The following IL1RAPL1 variants were observed in gnomAD, a reference collection of about 807,000 sequenced individuals.
IL1RAPL1 encodes interleukin 1 receptor accessory protein like 1, also known as interleukin-1 receptor accessory protein-like 1.
Under a neutral mutation model 48.4 loss-of-function variants are expected in IL1RAPL1, and 3 were observed. The ratio of observed to expected loss-of-function variants is 0.06; its 90% confidence interval spans 0.03 to 0.16. The LOEUF is 0.16. Ranked by LOEUF, IL1RAPL1 falls within the 10% of genes least tolerant of loss-of-function variation. The probability of loss-of-function intolerance (pLI) is 1.00; values close to 1 mark genes in which losing one functional copy is unlikely to be tolerated. For missense variants in IL1RAPL1, 349 were observed against 530.6 expected (o/e 0.66, Z 3.36); for synonymous variants, 185 against 187.7 (o/e 0.99, Z 0.12).
chrX:29,833,335 C>T (rs1008088778), intron 6 of IL1RAPL1, among the ~76,000 whole-genome samples: 1 of 110,510 alleles, frequency 9.0e-6, no homozygotes, highest in African/African-American at 3.3e-5. Flanking sequence ...TAATATAAAT[C>T]GTATTTAGTA....
chrX:28,788,167 C>G (rs1397173640), intron 1 of IL1RAPL1, among the ~76,000 whole-genome samples: 1 of 111,676 alleles, frequency 9.0e-6, no homozygotes, highest in African/African-American at 3.3e-5. Flanking sequence ...AAAAATATAA[C>G]AACTGTATCA....
At chrX:28,614,149 G>C (rs1345943216) in intron 1 of IL1RAPL1, among the ~76,000 whole-genome samples, 1 of 107,274 alleles carries the variant, frequency 9.3e-6, no homozygotes, top group Non-Finnish European at 1.9e-5. Context: ...ATATGTCTTA[G>C]GCTCTTGGGC....
At chrX:29,164,770 T>A (rs5943478) in intron 2 of IL1RAPL1, among the ~76,000 whole-genome samples, 16,258 of 109,965 alleles carry the variant, frequency 0.15, 1,142 homozygotes, top group Non-Finnish European at 0.21. Context: ...TTTCTTTTTT[T>A]AAAAAATGAT....
In IL1RAPL1 at chrX:29,520,924, G is replaced by C. The variant is rs1022153823; in HGVS notation, c.703+121616G>C. Among the ~76,000 whole-genome samples, 3 of 111,165 alleles carry C rather than the reference G, an allele frequency of 2.7e-5. No homozygotes were observed. The Admixed American group carries it at 2.9e-4, about 11-fold the overall frequency. On this transcript the variant is annotated intron_variant, in intron 5 of 10. Coordinates refer to ENST00000378993, the MANE Select transcript of IL1RAPL1 (RefSeq NM_014271.4). ...ATGCAAGGGAGTAGTGTCTGAATTT[G>C]CTTTGTATGTGCCGGAATGTCTATG...
chrX:29,290,869 G>A (rs985047246), intron 3 of IL1RAPL1, among the ~76,000 whole-genome samples: 43 of 111,943 alleles, frequency 3.8e-4, no homozygotes, highest in African/African-American at 1.2e-3. Flanking sequence ...CATGCTTACT[G>A]ATGTCTCATG....
At chrX:29,206,007 T>C (rs2147537878) in intron 2 of IL1RAPL1, among the ~76,000 whole-genome samples, 1 of 110,991 alleles carries the variant, frequency 9.0e-6, no homozygotes, top group East Asian at 2.8e-4. Context: ...CCAAAATGCA[T>C]GCTGGGATTA....
At chrX:29,049,992 G>A (rs1222018031) in intron 2 of IL1RAPL1, among the ~76,000 whole-genome samples, 1 of 111,877 alleles carries the variant, frequency 8.9e-6, no homozygotes, top group Non-Finnish European at 1.9e-5. Flanking sequence ...AATCCCTGTT[G>A]GATCCATATT....
chrX:29,348,520 A>G (rs186312562), intron 3 of IL1RAPL1, among the ~76,000 whole-genome samples: 6 of 112,106 alleles, frequency 5.4e-5, no homozygotes, highest in Non-Finnish European at 7.5e-5. Flanking sequence ...AGAATGAACT[A>G]GAAAGGAGGG....
intron 1 of IL1RAPL1, among the ~76,000 whole-genome samples, chrX:28,681,264 A>AT (rs1220358984): frequency 1.4e-4 from 15 of 110,874 alleles, no homozygotes; most frequent in African/African-American, 4.6e-4. Flanking sequence ...GCAATGTCTC[A>AT]TTTTTTCATT....
chrX:29,394,333 C>T (rs944757116), intron 3 of IL1RAPL1, among the ~76,000 whole-genome samples: 2 of 111,551 alleles, frequency 1.8e-5, no homozygotes, highest in Non-Finnish European at 3.8e-5. Flanking sequence ...CAAATTTCAT[C>T]ATTCCTTAAC....
chrX:28,702,580 A>G (rs1185589483), intron 1 of IL1RAPL1, among the ~76,000 whole-genome samples: 1 of 111,845 alleles, frequency 8.9e-6, no homozygotes, highest in African/African-American at 3.2e-5. Context: ...GAAACATTTC[A>G]AATGCATAAT....
chrX:28,960,394 CTGATAATAGTTACGGCT>C (rs1924736673), intron 2 of IL1RAPL1, among the ~76,000 whole-genome samples: 1 of 111,657 alleles, frequency 9.0e-6, no homozygotes, highest in South Asian at 3.7e-4. Flanking sequence ...GACAGAGGGA[CTGATAATAGTTACGGCT>C]TGAGTCAACC....
At position 29,334,271 on chromosome X, in the gene IL1RAPL1, G is replaced by A. The variant is rs1388060460; in HGVS notation, c.362+51054G>A. Among the ~76,000 whole-genome samples the A allele has an allele frequency of 3.8e-3, 262 of 69,117 alleles. 2 individuals carry two copies. Among genetic ancestry groups the A allele is most frequent in the African/African-American group, 0.017 (253 of 15,320 alleles). 60.0% of individuals were successfully genotyped at this position (69,117 alleles called of 115,157 possible). A position where few individuals can be genotyped will look rare whatever the true frequency, so the allele number is the denominator to read the frequency against. On this transcript the variant is annotated intron_variant, in intron 3 of 10. Transcript: ENST00000378993. ...GGGCTCCTCACTTCCCAGTAGGGGA[G>A]GCCGGGCAGAGGCGCCCCTCACCTC...
At chrX:29,036,530 A>G (rs942993654) in intron 2 of IL1RAPL1, among the ~76,000 whole-genome samples, 4 of 112,075 alleles carry the variant, frequency 3.6e-5, no homozygotes, top group Admixed American at 9.5e-5. Context: ...ACATCTCTTA[A>G]TTACTGCTGG....
chrX:28,595,680 A>G lies in IL1RAPL1; in HGVS notation c.-25+7633A>G, dbSNP rs769351455. ...AGTCAGGAGAGCTAAATACAGTGGT[A>G]AAAATGGAAAAACTGAGAGAGTTAG... On this transcript the variant is annotated intron_variant, in intron 1 of 10. Coordinates refer to ENST00000378993, the MANE Select transcript of IL1RAPL1 (RefSeq NM_014271.4). Among the ~76,000 whole-genome samples the G allele has an allele frequency of 8.0e-5, 9 of 112,281 alleles. No individual in the cohort carries two copies. In the South Asian group the frequency reaches 3.3e-3, roughly 42 times the overall value.
intron 1 of IL1RAPL1, among the ~76,000 whole-genome samples, chrX:28,640,295 C>G (rs916846659): frequency 4.5e-5 from 5 of 111,207 alleles, no homozygotes; most frequent in African/African-American, 1.6e-4. Context: ...ATATGCCAAG[C>G]CATATATTAG....
At chrX:29,080,948 C>CTTTCT (rs1927796195) in intron 2 of IL1RAPL1, among the ~76,000 whole-genome samples, 4 of 43,232 alleles carry the variant, frequency 9.3e-5, no homozygotes, top group African/African-American at 1.9e-4. Context: ...TTCTTTCTTT[C>CTTTCT]TTTCTTTCTT....
intron 1 of IL1RAPL1, among the ~76,000 whole-genome samples, chrX:28,767,715 A>ATG (rs35909020): frequency 0.019 from 1,944 of 101,808 alleles, 28 homozygotes; most frequent in African/African-American, 0.056. Context: ...AGCCTGGGGG[A>ATG]TGTGTGTGTG....
At chrX:28,829,837 C>T (rs186581215) in intron 2 of IL1RAPL1, among the ~76,000 whole-genome samples, 25 of 110,547 alleles carry the variant, frequency 2.3e-4, no homozygotes, top group Admixed American at 1.3e-3. Flanking sequence ...GGATTACAGG[C>T]GTGAGCCACC....
Sources: allele counts gnomAD v4.1 joint callset (sites outside exome capture counted in the v4.1 genomes callset), GRCh38; gene constraint gnomAD v4.1.1; transcripts MANE v1.5; gene names NCBI Gene and HGNC (gene_info 2026-07-23, HGNC 2026-07-21).